The following CEP192 variants were observed in gnomAD, a reference collection of about 807,000 sequenced individuals.
CEP192 encodes centrosomal protein 192, also known as centrosomal protein of 192 kDa.
CEP192 carries 151 observed loss-of-function variants against 271.8 expected under a neutral mutation model. The ratio of observed to expected loss-of-function variants is 0.56; its 90% CI spans 0.49 to 0.64. CEP192 has a LOEUF of 0.64. Among genes scored for constraint, CEP192 ranks in the 30% least tolerant of loss-of-function variants. CEP192 has a pLI of 0.00. For missense variants in CEP192, 2,910 were observed against 3,020.5 expected (o/e 0.96, Z 0.86); for synonymous variants, 995 against 1,076.5 (o/e 0.92, Z 1.48).
chr18:13,094,710 G>A (rs1193774453), intron 34 of CEP192, among the ~76,000 whole-genome samples: 3 of 152,082 alleles, frequency 2.0e-5, no homozygotes, highest in South Asian at 2.1e-4. Flanking sequence ...CCTCCCTGTG[G>A]ACAAACCCAG....
intron 28 of CEP192, among the ~76,000 whole-genome samples, chr18:13,071,472 CTG>C (rs2038011244): frequency 6.6e-6 from 1 of 152,172 alleles, no homozygotes; most frequent in South Asian, 2.1e-4. Flanking sequence ...CACTGCCACT[CTG>C]TATTTTTCAA....
intron 15 of CEP192, among the ~76,000 whole-genome samples, chr18:13,047,138 C>A (rs1304478173): frequency 6.6e-6 from 1 of 152,136 alleles, no homozygotes; most frequent in Non-Finnish European, 1.5e-5. Context: ...GAGATGATAT[C>A]TTCCAGACTG....
intron 3 of CEP192, among the ~76,000 whole-genome samples, chr18:13,003,775 G>A (rs1230201121): frequency 6.6e-6 from 1 of 152,170 alleles, no homozygotes; most frequent in Non-Finnish European, 1.5e-5. Context: ...ACTCTAGTCT[G>A]GGTGACAGAG....
chr18:13,002,758 T>C (rs2033732204), intron 3 of CEP192, among the ~76,000 whole-genome samples: 2 of 152,170 alleles, frequency 1.3e-5, no homozygotes, highest in Non-Finnish European at 2.9e-5. Context: ...AAAATGGGAA[T>C]GGTGGTATTA....
At chr18:13,013,141 A>T in intron 5 of CEP192, 116 bp downstream of exon 5, 2 of 546,216 alleles carry the variant, frequency 3.7e-6, no homozygotes, top group Middle Eastern at 7.4e-4. Context: ...TTTCTAGTAG[A>T]GCTCTAACTT....
rs2039647527 is a variant in CEP192, at chr18:13,100,357, C to T, written c.6716C>T (p.Thr2239Ile). ...GATTTAACTCAAGTGGAACTTTTAACTCGTTTGACCTCCAAACCATTTGGA... is the reference window on the plus strand; with the variant it reads ...GATTTAACTCAAGTGGAACTTTTAATTCGTTTGACCTCCAAACCATTTGGA... ...REDLTQVELL[T>I]RLTSKPFGIL... is the part of the protein sequence containing the mutation. The change falls in exon 38 of 45, where the codon ACT (threonine) becomes ATT (isoleucine). Residue 2239 changes from threonine (T) to isoleucine (I), a missense_variant. By Grantham distance (89) the Thr-to-Ile change is moderately conservative. Coordinates refer to ENST00000506447, the MANE Select transcript of CEP192 (RefSeq NM_032142.4). 2 of 1,613,922 alleles carry T rather than the reference C, an allele frequency of 1.2e-6. No individual in the cohort carries two copies. Among genetic ancestry groups the T allele is most frequent in the African/African-American group, 1.3e-5 (1 of 74,898 alleles).
At chr18:13,072,980 T>C (rs1787013) in intron 29 of CEP192, 29 bp from the exon 30 acceptor site, 715,485 of 1,592,692 alleles carry the variant, frequency 0.45, 161,979 homozygotes, top group African/African-American at 0.5. Flanking sequence ...CTGCTTTGTT[T>C]TATGCATTTA....
chr18:13,078,113 G>T (rs2038387717), intron 30 of CEP192, among the ~76,000 whole-genome samples: 1 of 152,094 alleles, frequency 6.6e-6, no homozygotes, highest in Non-Finnish European at 1.5e-5. Flanking sequence ...AGGCCCCAGT[G>T]TGTTATGTTC....
Position 13,124,748 on chromosome 18 carries a change from G to A in CEP192, c.7592G>A (p.Gly2531Asp). 1 of 1,608,016 alleles carries A rather than the reference G, an allele frequency of 6.2e-7. No homozygotes were observed. The highest frequency in any genetic ancestry group is 8.5e-7 in the Non-Finnish European group (1 of 1,175,294). ...EGKSIAIRLIGEALGKN is the reference protein window; with the variant it reads ...EGKSIAIRLIDEALGKN ...AAGAGTATTGCTATTCGACTAATTGGTGAAGCTCTTGGAAAAAATTAACTA... is the reference window on the plus strand; with the variant it reads ...AAGAGTATTGCTATTCGACTAATTGATGAAGCTCTTGGAAAAAATTAACTA... The change falls in exon 45 of 45, where the codon GGT (glycine) becomes GAT (aspartate). Residue 2531 changes from glycine (G) to aspartate (D), a missense_variant. Coordinates refer to ENST00000506447, the MANE Select transcript of CEP192 (RefSeq NM_032142.4).
At chr18:13,086,005 C>T (rs777225474) in intron 30 of CEP192, among the ~76,000 whole-genome samples, 3 of 151,972 alleles carry the variant, frequency 2.0e-5, no homozygotes, top group Non-Finnish European at 2.9e-5. Context: ...GCCATTTTCT[C>T]GATATTGAGT....
intron 13 of CEP192, among the ~76,000 whole-genome samples, 191 bp downstream of exon 13, chr18:13,038,770 G>A (rs572654731): frequency 6.6e-6 from 1 of 152,242 alleles, no homozygotes; most frequent in African/African-American, 2.4e-5. Flanking sequence ...CTGGGACATT[G>A]AGCAATTTAA....
At chr18:13,083,562 T>A (rs1351368909) in intron 30 of CEP192, among the ~76,000 whole-genome samples, 1 of 152,216 alleles carries the variant, frequency 6.6e-6, no homozygotes, top group Non-Finnish European at 1.5e-5. Context: ...GGTTCGAACA[T>A]TCTCCTTTAG....
rs201420508 is a variant in CEP192 at position 13,100,360 on chromosome 18, G to A, written c.6719G>A (p.Arg2240His). The change falls in exon 38 of 45, where the codon CGT becomes CAT. Residue 2240 changes from arginine (R) to histidine (H), a missense_variant. Arg to His is a conservative substitution (Grantham distance 29). Transcript: ENST00000506447. ...EDLTQVELLT[R>H]LTSKPFGILS... is the part of the protein sequence containing the mutation. The stretch of plus-strand genomic sequence containing the variant: ...TTAACTCAAGTGGAACTTTTAACTC[G>A]TTTGACCTCCAAACCATTTGGAATT... 1.7e-5 allele frequency: 28 copies of A among 1,614,076 alleles called. No individual in the cohort carries two copies. The highest frequency in any genetic ancestry group is 8.9e-5 in the East Asian group (4 of 44,858).
chr18:13,067,781 G>T (rs1276071595), intron 21 of CEP192, 50 bp from the exon 22 acceptor site: 2 of 1,493,158 alleles, frequency 1.3e-6, no homozygotes, highest in Non-Finnish European at 9.3e-7. Flanking sequence ...TACATGTTGT[G>T]CTATTAATAT....
At chr18:13,000,091 C>CTTTTTTTTTTTT (rs775544715) in intron 2 of CEP192, among the ~76,000 whole-genome samples, 1 of 76,756 alleles carries the variant, frequency 1.3e-5, no homozygotes, top group Non-Finnish European at 2.7e-5. Flanking sequence ...TGTCTTCTCT[C>CTTTTTTTTTTTT]TTTTTTTTTT....
rs754405253 is a variant in CEP192, at chr18:13,049,356, A to G, written c.2565A>G (p.Gln855=). 3 of 1,614,070 alleles carry G rather than the reference A, an allele frequency of 1.9e-6. No homozygotes were observed. In the African/African-American group the frequency reaches 4.0e-5, roughly 22 times the overall value. The change falls in exon 16 of 45, where the codon CAA becomes CAG. Residue 855 remains glutamine (Q), a synonymous_variant. Transcript: ENST00000506447. ...TTGAAAATGGAGAGAGTGAGAATCA[A>G]GAGTCATTTAGAACCATAAACTCCT... ...VYVENGESEN[Q]ESFRTINSSN...
At chr18:13,077,661 T>C (rs946717288) in intron 30 of CEP192, among the ~76,000 whole-genome samples, 3 of 152,194 alleles carry the variant, frequency 2.0e-5, no homozygotes, top group Non-Finnish European at 2.9e-5. Flanking sequence ...CCGTTGACAA[T>C]GTGTCTGTCC....
rs751676870 is a variant in CEP192 at position 13,096,191 on chromosome 18, G to A, written c.6441G>A (p.Met2147Ile). ...LILVAPSPCDMAKTGRFQIVN... is the reference protein window; with the variant it reads ...LILVAPSPCDIAKTGRFQIVN... ...ATGTATCTGACAAAATAGGTGACAT[G>A]GCAAAAACTGGACGTTTCCAGATTG... Residue 2147 changes from methionine (M) to isoleucine (I), a missense_variant, in exon 36 of 45, where the codon ATG becomes ATA. Coordinates refer to ENST00000506447, the MANE Select transcript of CEP192 (RefSeq NM_032142.4). 5 of 1,613,808 alleles carry A rather than the reference G, an allele frequency of 3.1e-6. No homozygotes were observed. In the Admixed American group the frequency reaches 5.0e-5, roughly 16 times the overall value.
At chr18:13,089,203 G>GA (rs1228623665) in intron 32 of CEP192, among the ~76,000 whole-genome samples, 1 of 152,110 alleles carries the variant, frequency 6.6e-6, no homozygotes, top group Non-Finnish European at 1.5e-5. Flanking sequence ...TGTAGGACCT[G>GA]AAAAGAATCT....
Sources: allele counts gnomAD v4.1 joint callset (sites outside exome capture counted in the v4.1 genomes callset), GRCh38; gene constraint gnomAD v4.1.1; transcripts MANE v1.5; gene names NCBI Gene and HGNC (gene_info 2026-07-23, HGNC 2026-07-21).